The following INSR variants were observed in gnomAD, a reference collection of about 807,000 sequenced individuals.
The protein encoded by INSR is insulin receptor.
Under a neutral mutation model 142.6 loss-of-function variants are expected in INSR, and 67 were observed. The observed-to-expected ratio is 0.47, with a 90% CI of 0.39 to 0.58. INSR has a LOEUF of 0.58. Ranked by LOEUF, INSR falls within the 20% of genes least tolerant of loss-of-function variation. The pLI is 0.00. For missense variants in INSR, 1,248 were observed against 1,833.2 expected (o/e 0.68, Z 5.83); for synonymous variants, 756 against 743.1 (o/e 1.02, Z -0.28).
intron 2 of INSR, among the ~76,000 whole-genome samples, chr19:7,264,367 A>G (rs1977159214): frequency 6.6e-6 from 1 of 152,084 alleles, no homozygotes. Context: ...CAGCAACAAC[A>G]ACTGAACACC....
At chr19:7,157,538 C>T in intron 9 of INSR, among the ~76,000 whole-genome samples, 1 of 149,850 alleles carries the variant, frequency 6.7e-6, no homozygotes, top group East Asian at 2.0e-4. Context: ...GCTGGGATTA[C>T]AGGCATGAGC....
At chr19:7,229,760 C>CTTTTT (rs71177180) in intron 2 of INSR, among the ~76,000 whole-genome samples, 2 of 87,522 alleles carry the variant, frequency 2.3e-5, no homozygotes, top group African/African-American at 4.6e-5. Flanking sequence ...CATTTACAGT[C>CTTTTT]TTTTTTTTTT....
chr19:7,282,100 C>A (rs1968217704), intron 1 of INSR, among the ~76,000 whole-genome samples: 1 of 152,156 alleles, frequency 6.6e-6, no homozygotes. Flanking sequence ...CACGGTGGCT[C>A]ACACCAGTAA....
chr19:7,242,467 G>A (rs950917936), intron 2 of INSR, among the ~76,000 whole-genome samples: 1 of 151,608 alleles, frequency 6.6e-6, no homozygotes, highest in Non-Finnish European at 1.5e-5. Context: ...CGGGTGTGGT[G>A]GCTCATGCCT....
chr19:7,268,021 C>A, intron 1 of INSR, 125 bp from the exon 2 acceptor site: 1 of 814,950 alleles, frequency 1.2e-6, no homozygotes, highest in Non-Finnish European at 2.1e-6. Flanking sequence ...CATCCCGGGC[C>A]CTGTAAACTC....
chr19:7,125,388 C>A lies in INSR; in HGVS notation c.3153G>T (p.Glu1051Asp). ...TGACCGTCTTCACCGCCACGCGGGT[C>A]TCTGCCTCACCCTTGATGATGTCCC... ...NARDIIKGEA[E>D]TRVAVKTVNE... Residue 1051 changes from glutamate to aspartate, a missense_variant, in exon 17 of 22, where the codon GAG (glutamate) becomes GAT (aspartate). Transcript: ENST00000302850. The surrounding 1 kb of genome is among the most constrained non-coding windows in gnomAD (Gnocchi z 4.9). 1 of 1,614,144 alleles carries A rather than the reference C, an allele frequency of 6.2e-7. No individual in the cohort carries two copies. Among genetic ancestry groups the A allele is most frequent in the Non-Finnish European group, 8.5e-7 (1 of 1,180,030 alleles).
chr19:7,287,489 CAA>C (rs1968375189), intron 1 of INSR, among the ~76,000 whole-genome samples: 1 of 151,178 alleles, frequency 6.6e-6, no homozygotes, highest in African/African-American at 2.4e-5. Context: ...GAAATTAACA[CAA>C]GAGAGGCCTG....
chr19:7,234,053 C>T (rs796671680), intron 2 of INSR, among the ~76,000 whole-genome samples: 24 of 152,088 alleles, frequency 1.6e-4, no homozygotes, highest in African/African-American at 4.3e-4. Context: ...ACCACAGGCG[C>T]GCTATGGTGT....
intron 11 of INSR, among the ~76,000 whole-genome samples, chr19:7,147,288 C>A (rs1973208136): frequency 6.6e-6 from 1 of 151,996 alleles, no homozygotes; most frequent in Admixed American, 6.6e-5. Context: ...GATTCTTCTG[C>A]CTCAGTCTCC....
At chr19:7,163,747 CG>C (rs1035072204) in intron 8 of INSR, among the ~76,000 whole-genome samples, 5 of 150,952 alleles carry the variant, frequency 3.3e-5, no homozygotes, top group African/African-American at 1.2e-4. Context: ...GATGAATGAG[CG>C]GGGATTAACT....
chr19:7,169,149 C>T (rs1452040275), intron 6 of INSR, among the ~76,000 whole-genome samples: 1 of 152,166 alleles, frequency 6.6e-6, no homozygotes, highest in Admixed American at 6.6e-5. Flanking sequence ...TGCAGACAAC[C>T]GTGGCCTTGA....
chr19:7,131,884 A>G (rs982926081), intron 14 of INSR, among the ~76,000 whole-genome samples: 3 of 151,436 alleles, frequency 2.0e-5, no homozygotes, highest in Non-Finnish European at 1.5e-5. Context: ...CTGTAGTCCC[A>G]GCTACTGTGA....
rs1410002032 is a variant in INSR, at chr19:7,152,292, G to A, written c.2231+434C>T. On this transcript the variant is annotated intron_variant, in intron 10 of 21. Coordinates refer to ENST00000302850, the MANE Select transcript of INSR (RefSeq NM_000208.4). ...TGTAGTCCCAGCTACTTGGGAGGCTGAGGCACAAGAATCACTCGAACCCGG... is the reference window on the plus strand; with the variant it reads ...TGTAGTCCCAGCTACTTGGGAGGCTAAGGCACAAGAATCACTCGAACCCGG... The A allele has an allele frequency of 1.8e-5, 5 of 273,482 alleles. No individual in the cohort carries two copies. The East Asian group carries it at 4.3e-4, about 23-fold the overall frequency. 16.9% of individuals were successfully genotyped at this position (273,482 alleles called of 1,614,324 possible).
At chr19:7,178,442 C>T (rs757907548) in intron 3 of INSR, among the ~76,000 whole-genome samples, 1 of 152,056 alleles carries the variant, frequency 6.6e-6, no homozygotes, top group Admixed American at 6.6e-5. Flanking sequence ...GATACTGGGC[C>T]GGGTGCAGTG....
At chr19:7,165,991 T>C (rs1973879584) in intron 8 of INSR, among the ~76,000 whole-genome samples, 163 bp downstream of exon 8, 1 of 148,720 alleles carries the variant, frequency 6.7e-6, no homozygotes, top group African/African-American at 2.5e-5. Flanking sequence ...ATCACCCCAC[T>C]GCATTGCACT....
chr19:7,184,548 C>T lies in INSR; in HGVS notation c.742G>A (p.Asp248Asn), dbSNP rs773115239. 26 of 1,613,568 alleles carry T rather than the reference C, an allele frequency of 1.6e-5. No homozygotes were observed. Among genetic ancestry groups the T allele is most frequent in the Non-Finnish European group, 2.0e-5 (24 of 1,179,950 alleles). The change falls in exon 3 of 22, where the codon GAC becomes AAC. Residue 248 changes from aspartate (D) to asparagine (N), a missense_variant. Transcript: ENST00000302850. The stretch of plus-strand genomic sequence containing the variant: ...CGGCAGGCCACGCACTTGGTGGGGT[C>T]GTCGGGCTGAGAACAGTTGCCCAGG... The part of the protein sequence containing the change: ...ECLGNCSQPD[D>N]PTKCVACRNF...
chr19:7,204,630 G>A (rs1975056540), intron 2 of INSR, among the ~76,000 whole-genome samples: 1 of 152,126 alleles, frequency 6.6e-6, no homozygotes, highest in South Asian at 2.1e-4. Flanking sequence ...GCTGCTCTTT[G>A]TCCACCAGAG....
intron 2 of INSR, among the ~76,000 whole-genome samples, chr19:7,223,971 A>T (rs1293457550): frequency 6.6e-6 from 1 of 151,306 alleles, no homozygotes; most frequent in East Asian, 1.9e-4. Flanking sequence ...TTTTGAGACC[A>T]GTCTCGCTCT....
At chr19:7,122,851 C>T in intron 18 of INSR, 28 bp downstream of exon 18, 2 of 1,609,288 alleles carry the variant, frequency 1.2e-6, no homozygotes, top group Non-Finnish European at 1.7e-6. Flanking sequence ...CCACCGAGTA[C>T]CCCGCTGGGT....
Sources: gnomAD v4.1 joint callset for allele counts (sites outside exome capture counted in the v4.1 genomes callset) on GRCh38, gnomAD v4.1.1 for gene constraint, Gnocchi (gnomAD v3.1) non-coding constraint, MANE v1.5 for transcripts, NCBI Gene and HGNC (gene_info 2026-07-23, HGNC 2026-07-21) for gene names.